UVRAG: variants seen among roughly 807,000 people sequenced by gnomAD.
UVRAG encodes the protein UV radiation resistance-associated gene protein.
Under a neutral mutation model 78.0 loss-of-function variants are expected in UVRAG, and 19 were observed. The ratio of observed to expected loss-of-function variants is 0.24; its 90% CI spans 0.17 to 0.36. UVRAG has a LOEUF of 0.36. UVRAG is among the 10% of genes least tolerant of loss of function. The pLI, the probability that UVRAG is intolerant of heterozygous loss-of-function variation, is 1.00. For synonymous variants in UVRAG, 323 were observed against 324.6 expected (o/e 1.00, Z 0.05); for missense variants, 740 against 853.8 (o/e 0.87, Z 1.66).
At chr11:76,117,110 C>T (rs1342461307) in intron 14 of UVRAG, among the ~76,000 whole-genome samples, 1 of 152,162 alleles carries the variant, frequency 6.6e-6, no homozygotes, top group African/African-American at 2.4e-5. Context: ...ATTTATTTAG[C>T]TTGTCTCTGT....
intron 5 of UVRAG, among the ~76,000 whole-genome samples, chr11:75,910,801 T>C (rs535398213): frequency 6.6e-6 from 1 of 152,320 alleles, no homozygotes; most frequent in East Asian, 1.9e-4. Context: ...TGTCCTGTAT[T>C]CTTTTTAGAA....
intron 2 of UVRAG, among the ~76,000 whole-genome samples, chr11:75,857,246 G>A (rs1458834): frequency 0.082 from 12,415 of 152,128 alleles, 1,665 homozygotes; most frequent in African/African-American, 0.28. Context: ...TCACAGAAAA[G>A]GCTAAAATCC....
chr11:76,034,259 T>G (rs1340512048), intron 12 of UVRAG, among the ~76,000 whole-genome samples: 1 of 152,160 alleles, frequency 6.6e-6, no homozygotes, highest in Non-Finnish European at 1.5e-5. Context: ...AATGCAGTAG[T>G]GTAGTCATAG....
At chr11:76,006,447 C>A (rs1055105136) in intron 9 of UVRAG, among the ~76,000 whole-genome samples, 2 of 151,814 alleles carry the variant, frequency 1.3e-5, no homozygotes, top group African/African-American at 2.4e-5. Context: ...ATAGCTTGAG[C>A]CTATGAGTTT....
At chr11:75,824,301 A>G (rs1008797900) in intron 1 of UVRAG, among the ~76,000 whole-genome samples, 2 of 152,192 alleles carry the variant, frequency 1.3e-5, no homozygotes, top group Admixed American at 6.5e-5. Context: ...GAAACTTAAG[A>G]TATCAGCATC....
intron 2 of UVRAG, among the ~76,000 whole-genome samples, chr11:75,854,284 C>T (rs1946235351): frequency 6.6e-6 from 1 of 152,088 alleles, no homozygotes; most frequent in Non-Finnish European, 1.5e-5. Context: ...CTGGTGTCCT[C>T]AATACATGGC....
In UVRAG at chr11:75,918,739, A is replaced by G. The variant is rs572328555; in HGVS notation, c.593+6700A>G. ...ATCATATATATGTTAAACAGATAAT[A>G]AATGCCATTTCTATTGATCAAATTG... On this transcript the variant is annotated intron_variant, in intron 6 of 14. Coordinates refer to ENST00000356136, the MANE Select transcript of UVRAG (RefSeq NM_003369.4). Among the ~76,000 whole-genome samples the G allele has an allele frequency of 2.6e-5, 4 of 152,338 alleles. No homozygotes were observed. The East Asian group carries it at 7.7e-4, about 29-fold the overall frequency.
chr11:76,023,466 G>T (rs80245941), intron 12 of UVRAG, among the ~76,000 whole-genome samples: 1 of 150,036 alleles, frequency 6.7e-6, no homozygotes, highest in Non-Finnish European at 1.5e-5. Context: ...GTGGCTCTGG[G>T]TTGTTTGTTT....
intron 7 of UVRAG, among the ~76,000 whole-genome samples, chr11:75,965,509 G>A (rs1038185246): frequency 2.4e-4 from 36 of 152,212 alleles, no homozygotes; most frequent in Non-Finnish European, 4.6e-4. Flanking sequence ...TAGAGACGGG[G>A]GTTCACCGTG....
rs117353846 is a variant in UVRAG at position 75,933,651 on chromosome 11, G to A, written c.593+21612G>A. On this transcript the variant is annotated intron_variant, in intron 6 of 14. Coordinates refer to ENST00000356136, the MANE Select transcript of UVRAG (RefSeq NM_003369.4). Reference sequence around the variant, plus strand: ...ATGTATAAGGAGCTCAAACAACTCTGGGAATAAAATCTAATAATCCGATTT... The same window carrying A: ...ATGTATAAGGAGCTCAAACAACTCTAGGAATAAAATCTAATAATCCGATTT... Among the ~76,000 whole-genome samples, 273 of 152,198 alleles carry A rather than the reference G, an allele frequency of 1.8e-3. 1 individual carries two copies. Among genetic ancestry groups the A allele is most frequent in the Non-Finnish European group, 3.4e-3 (231 of 67,982 alleles).
intron 9 of UVRAG, among the ~76,000 whole-genome samples, chr11:76,005,891 G>A (rs1949926520): frequency 6.6e-6 from 1 of 152,218 alleles, no homozygotes; most frequent in South Asian, 2.1e-4. Context: ...CATAGGGCAA[G>A]GTATGGGGGA....
At chr11:75,978,030 C>T (rs1478967020) in intron 7 of UVRAG, among the ~76,000 whole-genome samples, 8 of 152,110 alleles carry the variant, frequency 5.3e-5, no homozygotes, top group African/African-American at 9.7e-5. Context: ...CCATGTTTAG[C>T]GCTTCCTTCA....
At chr11:75,987,830 T>C (rs1949531184) in intron 8 of UVRAG, among the ~76,000 whole-genome samples, 1 of 151,926 alleles carries the variant, frequency 6.6e-6, no homozygotes, top group African/African-American at 2.4e-5. Flanking sequence ...CTCTGCCTGC[T>C]AGGTTCAAGC....
At chr11:76,088,026 C>G (rs551209663) in intron 13 of UVRAG, among the ~76,000 whole-genome samples, 1 of 152,252 alleles carries the variant, frequency 6.6e-6, no homozygotes, top group African/African-American at 2.4e-5. Flanking sequence ...CCTAGCCTCT[C>G]GAGTAGCCAG....
intron 8 of UVRAG, among the ~76,000 whole-genome samples, chr11:75,990,025 T>C (rs1285305817): frequency 6.6e-6 from 1 of 152,200 alleles, no homozygotes; most frequent in Non-Finnish European, 1.5e-5. Context: ...GGTGGATAAA[T>C]GAGATATAAT....
chr11:75,974,515 C>T (rs1463676379), intron 7 of UVRAG, among the ~76,000 whole-genome samples: 20 of 151,328 alleles, frequency 1.3e-4, no homozygotes, highest in Admixed American at 7.2e-4. Context: ...TACAGGCACC[C>T]GCCACCGCGC....
intron 14 of UVRAG, among the ~76,000 whole-genome samples, chr11:76,126,060 CT>C: frequency 6.6e-6 from 1 of 151,980 alleles, no homozygotes; most frequent in East Asian, 1.9e-4. Flanking sequence ...CGCCATTCCC[CT>C]GCCTCAGCCT....
At chr11:75,913,635 G>GGCCAA (rs1197207952) in intron 6 of UVRAG, among the ~76,000 whole-genome samples, 1 of 152,072 alleles carries the variant, frequency 6.6e-6, no homozygotes, top group East Asian at 1.9e-4. Flanking sequence ...TAGAAGCTGA[G>GGCCAA]GCCAAGAGGC....
Position 75,930,006 on chromosome 11 carries a change from C to T in UVRAG, c.593+17967C>T, listed in dbSNP as rs369836658. The stretch of plus-strand genomic sequence containing the variant: ...TGCCCTGGATACTTTGCGTTATTCA[C>T]CTTACATTATCATATAGATACCTCC... On this transcript the variant is annotated intron_variant, in intron 6 of 14. Coordinates refer to ENST00000356136, the MANE Select transcript of UVRAG (RefSeq NM_003369.4). 4.6e-4 allele frequency among the ~76,000 whole-genome samples: 70 copies of T among 152,292 alleles called. No individual in the cohort carries two copies. In the South Asian group the frequency reaches 0.014, roughly 30 times the overall value.
Sources: gnomAD v4.1 joint callset for allele counts (sites outside exome capture counted in the v4.1 genomes callset) on GRCh38, gnomAD v4.1.1 for gene constraint, MANE v1.5 for transcripts, NCBI Gene and HGNC (gene_info 2026-07-23, HGNC 2026-07-21) for gene names.